The following CREBBP variants were observed in gnomAD, a reference collection of about 807,000 sequenced individuals.
The protein encoded by CREBBP is CREB-binding protein.
CREBBP carries 19 observed loss-of-function variants against 265.0 expected under a neutral mutation model. That is an observed-to-expected ratio of 0.07 (90% CI 0.05 to 0.11). The LOEUF is 0.11. Among genes scored for constraint, CREBBP ranks in the 10% least tolerant of loss-of-function variants. The pLI is 1.00. For synonymous variants in CREBBP, 1,457 were observed against 1,223.7 expected (o/e 1.19, Z -3.98); for missense variants, 2,525 against 3,219.0 (o/e 0.78, Z 5.22).
chr16:3,848,630 A>G (rs2054718930), intron 2 of CREBBP, among the ~76,000 whole-genome samples: 1 of 152,176 alleles, frequency 6.6e-6, no homozygotes, highest in South Asian at 2.1e-4. Flanking sequence ...GAGTCTTGAG[A>G]TTAAAAAAAA....
intron 2 of CREBBP, chr16:3,840,518 G>C (rs1281928086): frequency 6.5e-6 from 1 of 153,650 alleles, no homozygotes; most frequent in African/African-American, 2.4e-5. Flanking sequence ...GTGTTGTGTT[G>C]AGACACAATG....
Position 3,770,958 on chromosome 16 carries a change from T to C in CREBBP, c.2492A>G (p.Asn831Ser). 1 of 1,613,494 alleles carries C rather than the reference T, an allele frequency of 6.2e-7. No homozygotes were observed. The highest frequency in any genetic ancestry group is 1.7e-5 in the Admixed American group (1 of 60,006). ...QGQVPGAALP[N>S]PLNMLGPQAS... is the part of the protein sequence containing the mutation. ...CTGAGGCCCCAGCATGTTGAGAGGG[T>C]TAGGAAGAGCAGCACCAGGCACCTG... Residue 831 changes from asparagine (N) to serine (S), a missense_variant, in exon 14 of 31, where the codon AAC becomes AGC. This residue lies in a region of CREBBP where 548 missense variants were observed against 533.0 expected (regional missense o/e 1.03). Coordinates refer to ENST00000262367, the MANE Select transcript of CREBBP (RefSeq NM_004380.3).
chr16:3,748,341 G>A (rs1049118753), intron 21 of CREBBP, among the ~76,000 whole-genome samples: 2 of 152,116 alleles, frequency 1.3e-5, no homozygotes, highest in African/African-American at 4.8e-5. Flanking sequence ...AAGCCAAGGA[G>A]AGAAAGACAC....
At chr16:3,855,762 C>A (rs2054948363) in intron 1 of CREBBP, among the ~76,000 whole-genome samples, 1 of 152,178 alleles carries the variant, frequency 6.6e-6, no homozygotes, top group African/African-American at 2.4e-5. Context: ...GGTTCCAATC[C>A]ATAGTTTTTA....
chr16:3,777,563 G>A (rs1029721626), intron 11 of CREBBP, 50 bp downstream of exon 11: 43 of 1,567,700 alleles, frequency 2.7e-5, no homozygotes, highest in Non-Finnish European at 3.8e-5. Flanking sequence ...TGAAAGTTAT[G>A]GCTGTTGAAT....
chr16:3,864,788 T>G (rs532304832), intron 1 of CREBBP, among the ~76,000 whole-genome samples: 1 of 152,212 alleles, frequency 6.6e-6, no homozygotes, highest in Non-Finnish European at 1.5e-5. Flanking sequence ...TATCCGTGGC[T>G]GGGCATGGTG....
chr16:3,729,632 G>T lies in CREBBP; in HGVS notation c.5415C>A (p.Thr1805=), dbSNP rs2151310987. 6.2e-7 allele frequency: 1 copy of T among 1,614,110 alleles called. No individual in the cohort carries two copies. Among genetic ancestry groups the T allele is most frequent in the Non-Finnish European group, 8.5e-7 (1 of 1,180,016 alleles). Reference sequence around the variant, plus strand: ...CGTTGGTCTTGCGTTTGCAGCCCTTGGTGTGCTGCACCACCCGCTTCATCT... The same window carrying T: ...CGTTGGTCTTGCGTTTGCAGCCCTTTGTGTGCTGCACCACCCGCTTCATCT... The part of the protein sequence containing the change: ...CQKMKRVVQH[T]KGCKRKTNGG... The change falls in exon 31 of 31, where the codon ACC becomes ACA. Residue 1805 remains threonine, a synonymous_variant. Coordinates refer to ENST00000262367, the MANE Select transcript of CREBBP (RefSeq NM_004380.3).
chr16:3,850,321 G>C lies in CREBBP; in HGVS notation c.774C>G (p.Thr258=). ...PQMTGHAGLN[T]AQAGGMAKMG... is the part of the protein sequence containing the mutation. Reference sequence around the variant, plus strand: ...CCTTGGCCATGCCTCCTGCCTGTGCGGTGTTCAGTCCCGCGTGACCAGTCA... The same window carrying C: ...CCTTGGCCATGCCTCCTGCCTGTGCCGTGTTCAGTCCCGCGTGACCAGTCA... The change falls in exon 2 of 31, where the codon ACC becomes ACG. Residue 258 remains threonine (T), a synonymous_variant. Transcript: ENST00000262367. 6.2e-7 allele frequency: 1 copy of C among 1,614,212 alleles called. No homozygotes were observed. The highest frequency in any genetic ancestry group is 1.1e-5 in the South Asian group (1 of 91,084).
At chr16:3,794,381 G>A (rs1320560543) in intron 3 of CREBBP, among the ~76,000 whole-genome samples, 2 of 132,686 alleles carry the variant, frequency 1.5e-5, no homozygotes, top group African/African-American at 2.7e-5. Flanking sequence ...GCCAAGGCCT[G>A]ACCAATTGCA....
intron 1 of CREBBP, among the ~76,000 whole-genome samples, chr16:3,858,843 A>G (rs2540038): frequency 0.91 from 139,161 of 152,264 alleles, 64,654 homozygotes; most frequent in Non-Finnish European, 0.99. Context: ...CTCAGCATCA[A>G]TGAACCCCAA....
intron 8 of CREBBP, 152 bp downstream of exon 8, chr16:3,780,580 G>C (rs2053250712): frequency 1.3e-6 from 1 of 779,362 alleles, no homozygotes; most frequent in South Asian, 1.6e-5. Context: ...TCTCTGGCCT[G>C]CCTAGGGCTG....
chr16:3,857,653 T>C (rs2054991492), intron 1 of CREBBP, among the ~76,000 whole-genome samples: 1 of 152,162 alleles, frequency 6.6e-6, no homozygotes. Flanking sequence ...CTCTGACCGT[T>C]ACCAGGGGGC....
intron 3 of CREBBP, among the ~76,000 whole-genome samples, 195 bp from the exon 4 acceptor site, chr16:3,793,821 G>A (rs539045594): frequency 1.3e-5 from 2 of 151,878 alleles, no homozygotes; most frequent in African/African-American, 4.8e-5. Context: ...CAGCAGCAAG[G>A]CTGATTCAAG....
At chr16:3,786,596 C>T (rs1202558538) in intron 5 of CREBBP, among the ~76,000 whole-genome samples, 1 of 152,130 alleles carries the variant, frequency 6.6e-6, no homozygotes, top group African/African-American at 2.4e-5. Context: ...TGATGCTTCA[C>T]CAGCACGAGA....
intron 1 of CREBBP, among the ~76,000 whole-genome samples, chr16:3,876,250 G>A (rs1049433335): frequency 6.6e-6 from 1 of 151,674 alleles, no homozygotes; most frequent in Non-Finnish European, 1.5e-5. Flanking sequence ...ATGTTGTCCA[G>A]GCTGGTCTCC....
At chr16:3,830,717 T>A (rs914444727) in intron 2 of CREBBP, among the ~76,000 whole-genome samples, 1 of 152,176 alleles carries the variant, frequency 6.6e-6, no homozygotes, top group African/African-American at 2.4e-5. Flanking sequence ...TCATAAGGAT[T>A]TGAACACCAT....
chr16:3,819,039 T>C (rs373881389), intron 2 of CREBBP, among the ~76,000 whole-genome samples: 9 of 152,238 alleles, frequency 5.9e-5, no homozygotes, highest in African/African-American at 1.9e-4. Context: ...CTCACGCCAG[T>C]AGCCGGGACA....
intron 3 of CREBBP, among the ~76,000 whole-genome samples, chr16:3,807,369 T>C (rs908421669): frequency 2.6e-5 from 4 of 152,350 alleles, no homozygotes; most frequent in Admixed American, 2.0e-4. Context: ...CCAAATTTAG[T>C]TGGGTACCCC....
At chr16:3,743,318 C>T (rs77674050) in intron 23 of CREBBP, 1 of 152,352 alleles carries the variant, frequency 6.6e-6, no homozygotes, top group East Asian at 1.9e-4. Context: ...AAAAGTATTA[C>T]AATAGTTTAT....
Sources: allele counts gnomAD v4.1 joint callset (sites outside exome capture counted in the v4.1 genomes callset), GRCh38; gene constraint gnomAD v4.1.1; regional missense constraint gnomAD v4.1.1; transcripts MANE v1.5; gene names NCBI Gene and HGNC (gene_info 2026-07-23, HGNC 2026-07-21).